The following MROH1 variants were observed in gnomAD, a reference collection of about 807,000 sequenced individuals.
MROH1 encodes maestro heat like repeat family member 1, also known as maestro heat-like repeat-containing protein family member 1.
Under a neutral mutation model 116.5 loss-of-function variants are expected in MROH1, and 117 were observed. The ratio of observed to expected loss-of-function variants is 1.00; its 90% CI spans 0.86 to 1.17. MROH1 has a LOEUF of 1.17. MROH1 is among the 50% of genes most tolerant of loss of function. The pLI, the probability that MROH1 is intolerant of heterozygous loss-of-function variation, is 0.00. For missense variants in MROH1, 1,873 were observed against 1,338.5 expected (o/e 1.40, Z -6.23); for synonymous variants, 921 against 583.9 (o/e 1.58, Z -8.32).
rs1003329653 is a variant in MROH1, at chr8:144,223,379, A to T, written c.1338+149A>T. 1.9e-5 allele frequency: 20 copies of T among 1,079,334 alleles called. 1 individual carries two copies. The South Asian group carries it at 3.2e-4, about 17-fold the overall frequency. 66.9% of individuals were successfully genotyped at this position (1,079,334 alleles called of 1,614,324 possible). A position where few individuals can be genotyped will look rare whatever the true frequency, so the allele number is the denominator to read the frequency against. ...GGTGCCCTCTGCTGTCTTTTGTTTA[A>T]TAGAGACAGGGTCTTGCTTCTGTGG... On this transcript the variant is annotated intron_variant, in intron 14 of 43. Coordinates refer to ENST00000326134, the MANE Select transcript of MROH1 (RefSeq NM_032450.3).
Position 144,200,469 on chromosome 8 carries a change from A to G in MROH1, c.1069A>G (p.Arg357Gly). 6.4e-7 allele frequency: 1 copy of G among 1,551,808 alleles called. No individual in the cohort carries two copies. Among genetic ancestry groups the G allele is most frequent in the African/African-American group, 1.4e-5 (1 of 73,194 alleles). ...PDRLLAFLLP[R>G]LDTSNERTRV... ...CCGCCTACTGGCCTTCCTGCTGCCC[A>G]GGCTGGACACCAGCAATGAGAGGAC... The change falls in exon 12 of 44, where the codon AGG becomes GGG. Residue 357 changes from arginine (R) to glycine (G), a missense_variant. By Grantham distance (125) the Arg-to-Gly change is moderately radical. Coordinates refer to ENST00000326134, the MANE Select transcript of MROH1 (RefSeq NM_032450.3).
chr8:144,223,004 G>A (rs754133838), intron 13 of MROH1, 104 bp from the exon 14 acceptor site: 4 of 1,514,498 alleles, frequency 2.6e-6, no homozygotes, highest in Non-Finnish European at 3.6e-6. Context: ...GTGGGCACAT[G>A]TGTGGATGTG....
chr8:144,240,635 G>A lies in MROH1; in HGVS notation c.1893G>A (p.Leu631=), dbSNP rs1840813395. ...NAWICQLSLE[L]CRQLPCYDEA... The stretch of plus-strand genomic sequence containing the variant: ...GGATCTGCCAGCTGAGCCTGGAGCT[G>A]TGCAGGCAGCTGCCCTGCTACGATG... The change falls in exon 20 of 44, where the codon CTG becomes CTA. Residue 631 remains leucine (L), a synonymous_variant. Coordinates refer to ENST00000326134, the MANE Select transcript of MROH1 (RefSeq NM_032450.3). 2.8e-6 allele frequency: 2 copies of A among 717,476 alleles called. No individual in the cohort carries two copies. The highest frequency in any genetic ancestry group is 1.7e-5 in the African/African-American group (1 of 57,262). The allele number at this position is 717,476 out of a possible 1,614,324, so 44.4% of individuals were successfully genotyped here.
Position 144,237,389 on chromosome 8 carries a change from G to A in MROH1, c.1339-1367G>A, listed in dbSNP as rs947927721. Among the ~76,000 whole-genome samples the A allele has an allele frequency of 2.7e-3, 417 of 152,320 alleles. 1 individual carries two copies. The highest frequency in any genetic ancestry group is 4.1e-3 in the Non-Finnish European group (276 of 68,020). On this transcript the variant is annotated intron_variant, in intron 14 of 43. Transcript: ENST00000326134. ...CTGAGGCCCTGTTGCCCTTTCTGGCGCAGGACGGTGTCCCAGCTCACCTGG... is the reference window on the plus strand; with the variant it reads ...CTGAGGCCCTGTTGCCCTTTCTGGCACAGGACGGTGTCCCAGCTCACCTGG...
chr8:144,243,587 C>G lies in MROH1; in HGVS notation c.2446C>G (p.Arg816Gly). 1 of 780,062 alleles carries G rather than the reference C, an allele frequency of 1.3e-6. No individual in the cohort carries two copies. The highest frequency in any genetic ancestry group is 1.7e-5 in the African/African-American group (1 of 59,250). 48.3% of individuals were successfully genotyped at this position (780,062 alleles called of 1,614,324 possible). A position where few individuals can be genotyped will look rare whatever the true frequency, so the allele number is the denominator to read the frequency against. Residue 816 changes from arginine to glycine, a missense_variant, in exon 25 of 44, where the codon CGG (arginine) becomes GGG (glycine). By Grantham distance (125) the Arg-to-Gly change is moderately radical (BLOSUM62 -2). Coordinates refer to ENST00000326134, the MANE Select transcript of MROH1 (RefSeq NM_032450.3). ...CCAGGCTGGCTCCTTCCACTTCACC[C>G]GGAAAGCAGAGCTGGTGGCACAGAT... is the stretch of plus-strand genomic sequence containing the variant. The part of the protein sequence containing the change: ...STQAGSFHFT[R>G]KAELVAQMME...
At chr8:144,220,352 AC>A (rs1046128068) in intron 12 of MROH1, among the ~76,000 whole-genome samples, 2 of 151,940 alleles carry the variant, frequency 1.3e-5, no homozygotes, top group African/African-American at 4.8e-5. Context: ...CGTGTACCTG[AC>A]TCAGGCCCAT....
At chr8:144,195,218 A>AAAAAAAAAAAAAAAAAAAAAC (rs1829571783) in intron 10 of MROH1, among the ~76,000 whole-genome samples, 2 of 141,978 alleles carry the variant, frequency 1.4e-5, no homozygotes, top group Non-Finnish European at 1.5e-5. Flanking sequence ...AAAAAAAAAA[A>AAAAAAAAAAAAAAAAAAAAAC]AGGCCGAGTG....
intron 12 of MROH1, among the ~76,000 whole-genome samples, chr8:144,203,649 C>G (rs1256756915): frequency 1.3e-5 from 2 of 152,072 alleles, no homozygotes; most frequent in Non-Finnish European, 2.9e-5. Flanking sequence ...GTCAGTGGTC[C>G]TTGGGGAAGG....
At chr8:144,215,771 G>A (rs1204484958) in intron 12 of MROH1, among the ~76,000 whole-genome samples, 2 of 152,040 alleles carry the variant, frequency 1.3e-5, no homozygotes, top group African/African-American at 4.8e-5. Flanking sequence ...TACTCGGGAG[G>A]CTGAGGCAGG....
chr8:144,164,424 A>AT (rs1299419725), intron 3 of MROH1, among the ~76,000 whole-genome samples: 1 of 150,778 alleles, frequency 6.6e-6, no homozygotes, highest in Non-Finnish European at 1.5e-5. Flanking sequence ...AAAAAAAAAA[A>AT]GACAGGGTCT....
chr8:144,211,728 A>G (rs1834138142), intron 12 of MROH1, among the ~76,000 whole-genome samples: 1 of 143,436 alleles, frequency 7.0e-6, no homozygotes, highest in Non-Finnish European at 1.5e-5. Context: ...TTCCATCTCA[A>G]AAAAAAAAAA....
intron 10 of MROH1, among the ~76,000 whole-genome samples, chr8:144,194,286 C>T (rs1051160267): frequency 1.3e-5 from 2 of 152,260 alleles, no homozygotes; most frequent in Admixed American, 1.3e-4. Flanking sequence ...TGGTCACGAA[C>T]TCCTGACCTC....
At chr8:144,247,716 G>A (rs1842137982) in intron 31 of MROH1, 37 bp downstream of exon 31, 1 of 724,456 alleles carries the variant, frequency 1.4e-6, no homozygotes, top group Middle Eastern at 3.6e-4. Context: ...AAGGCAGGCT[G>A]GCACTGTCTG....
intron 39 of MROH1, 146 bp from the exon 40 acceptor site, chr8:144,260,531 G>C: frequency 2.7e-6 from 2 of 736,556 alleles, no homozygotes; most frequent in Non-Finnish European, 4.9e-6. Flanking sequence ...TGCTGGGCCT[G>C]GCAGCCCCCA....
intron 33 of MROH1, chr8:144,251,914 C>G (rs1842898754): frequency 5.1e-6 from 1 of 196,614 alleles, no homozygotes. Context: ...CTGCTTAGCA[C>G]AGCAGTGCTG....
At chr8:144,185,041 G>C (rs1483345608) in intron 7 of MROH1, among the ~76,000 whole-genome samples, 1 of 152,224 alleles carries the variant, frequency 6.6e-6, no homozygotes, top group Non-Finnish European at 1.5e-5. Flanking sequence ...CTGAGGAGGA[G>C]GGGGAGGCAG....
At position 144,192,405 on chromosome 8, in the gene MROH1, G is replaced by A. The variant is rs776975853; in HGVS notation, c.948+4G>A. 3.2e-6 allele frequency: 5 copies of A among 1,582,032 alleles called. No individual in the cohort carries two copies. Among genetic ancestry groups the A allele is most frequent in the South Asian group, 1.1e-5 (1 of 87,062 alleles). ...CTTGGCTGCACTGCACTCCCAGGTA[G>A]GAGGCGGGCGTCAGGGGGCGGGTCC... On this transcript the variant is annotated splice_donor_region_variant and intron_variant, in intron 10 of 43. Transcript: ENST00000326134.
At position 144,250,898 on chromosome 8, in the gene MROH1, G is replaced by A. The variant is rs969993580; in HGVS notation, c.3428+532G>A. On this transcript the variant is annotated intron_variant, in intron 33 of 43. Transcript: ENST00000326134. Reference sequence around the variant, plus strand: ...CCCAGCTCCCAGCAAAGGGCAGGGCGTGTCTACCACCCACCAGCCCACTGG... The same window carrying A: ...CCCAGCTCCCAGCAAAGGGCAGGGCATGTCTACCACCCACCAGCCCACTGG... 12 of 227,710 alleles carry A rather than the reference G, an allele frequency of 5.3e-5. No individual in the cohort carries two copies. The Admixed American group carries it at 5.7e-4, about 11-fold the overall frequency. The allele number at this position is 227,710 out of a possible 1,614,324, so 14.1% of individuals were successfully genotyped here. A position where few individuals can be genotyped will look rare whatever the true frequency, so the allele number is the denominator to read the frequency against.
At position 144,193,115 on chromosome 8, in the gene MROH1, T is replaced by C. The variant is rs545926782; in HGVS notation, c.948+714T>C. On this transcript the variant is annotated intron_variant, in intron 10 of 43. Coordinates refer to ENST00000326134, the MANE Select transcript of MROH1 (RefSeq NM_032450.3). ...CCACTCTCCACCGCCTGGATGGTCC[T>C]GGCTGCATCCCAGAAACAAAGGGGA... is the stretch of plus-strand genomic sequence containing the variant. 11 of 162,710 alleles carry C rather than the reference T, an allele frequency of 6.8e-5. No homozygotes were observed. The South Asian group carries it at 1.7e-3, about 26-fold the overall frequency. The allele number at this position is 162,710 out of a possible 1,614,324, so 10.1% of individuals were successfully genotyped here. A position where few individuals can be genotyped will look rare whatever the true frequency, so the allele number is the denominator to read the frequency against.
Sources: gnomAD v4.1 joint callset for allele counts (sites outside exome capture counted in the v4.1 genomes callset) on GRCh38, gnomAD v4.1.1 for gene constraint, MANE v1.5 for transcripts, NCBI Gene and HGNC (gene_info 2026-07-23, HGNC 2026-07-21) for gene names.